The following PRKCH variants were observed in gnomAD, a reference collection of about 807,000 sequenced individuals.
The protein encoded by PRKCH is protein kinase C eta.
PRKCH carries 28 observed loss-of-function variants against 82.5 expected under a neutral mutation model. The ratio of observed to expected loss-of-function variants is 0.34; its 90% confidence interval spans 0.25 to 0.47. The LOEUF (loss-of-function observed/expected upper bound fraction) is 0.47, where lower values mean the gene tolerates loss of function less well. Ranked by LOEUF, PRKCH falls within the 20% of genes least tolerant of loss-of-function variation. The pLI is 1.00. For missense variants in PRKCH, 705 were observed against 881.8 expected (o/e 0.80, Z 2.54); for synonymous variants, 322 against 327.4 (o/e 0.98, Z 0.18).
intron 7 of PRKCH, 34 bp from the exon 8 acceptor site, chr14:61,457,142 C>T: frequency 1.2e-6 from 2 of 1,607,384 alleles, no homozygotes; most frequent in Non-Finnish European, 1.7e-6. Flanking sequence ...GCTTCTGCTG[C>T]AATTTCTGAC....
At chr14:61,225,466 T>C (rs534124889) in intron 1 of PRKCH, among the ~76,000 whole-genome samples, 1 of 152,258 alleles carries the variant, frequency 6.6e-6, no homozygotes, top group South Asian at 2.1e-4. Flanking sequence ...CAGCTCCCGA[T>C]GGTAAAGGCG....
intron 2 of PRKCH, among the ~76,000 whole-genome samples, chr14:61,401,580 G>A (rs910600517): frequency 4.6e-5 from 7 of 152,136 alleles, no homozygotes; most frequent in Admixed American, 4.6e-4. Context: ...GAAATGGTGG[G>A]TAAAAGCATG....
At chr14:61,331,497 G>T (rs2045787762) in intron 1 of PRKCH, among the ~76,000 whole-genome samples, 1 of 152,034 alleles carries the variant, frequency 6.6e-6, no homozygotes, top group African/African-American at 2.4e-5. Context: ...CCTCAGCCTG[G>T]GCAACAGAGT....
intron 1 of PRKCH, among the ~76,000 whole-genome samples, chr14:61,228,301 G>A (rs2044713625): frequency 6.6e-6 from 1 of 152,156 alleles, no homozygotes; most frequent in Admixed American, 6.6e-5. Flanking sequence ...AGAGAGAAAA[G>A]CAATTTTTAA....
At chr14:61,285,172 A>G (rs1483786306) in intron 1 of PRKCH, among the ~76,000 whole-genome samples, 1 of 152,180 alleles carries the variant, frequency 6.6e-6, no homozygotes, top group Non-Finnish European at 1.5e-5. Context: ...AAAGTAGGAA[A>G]GGGACTTAAA....
At chr14:61,490,517 C>G (rs1318925465) in intron 10 of PRKCH, among the ~76,000 whole-genome samples, 2 of 152,212 alleles carry the variant, frequency 1.3e-5, no homozygotes, top group African/African-American at 4.8e-5. Context: ...GCCTCGCTGA[C>G]TCCAGATAAC....
At chr14:61,353,851 T>G (rs2046112965) in intron 1 of PRKCH, 1 of 152,124 alleles carries the variant, frequency 6.6e-6, no homozygotes, top group Non-Finnish European at 1.5e-5. Flanking sequence ...ACAGGAGGAC[T>G]GCTTGAGCCC....
rs1472381104 is a variant in PRKCH, at chr14:61,450,693, GTAAT to G, written c.703-144_703-141del. 1.1e-5 allele frequency: 9 copies of G among 838,172 alleles called. No homozygotes were observed. The East Asian group carries it at 2.4e-4, about 22-fold the overall frequency. The allele number at this position is 838,172 out of a possible 1,614,324, so 51.9% of individuals were successfully genotyped here. On this transcript the variant is annotated intron_variant, in intron 5 of 13. Coordinates refer to ENST00000332981, the MANE Select transcript of PRKCH (RefSeq NM_006255.5). ...GTTTAGTCTGGTTCGTAAGACCTGA[GTAAT>G]TAATCAGGGCTGAGTACAGTAAAAT... is the stretch of plus-strand genomic sequence containing the variant.
At chr14:61,372,901 C>T (rs2046381216) in intron 1 of PRKCH, among the ~76,000 whole-genome samples, 1 of 151,990 alleles carries the variant, frequency 6.6e-6, no homozygotes. Context: ...AATTTCACTG[C>T]CCTAAAAAAA....
intron 1 of PRKCH, among the ~76,000 whole-genome samples, chr14:61,277,055 G>A (rs1268237622): frequency 6.6e-6 from 1 of 151,998 alleles, no homozygotes; most frequent in Non-Finnish European, 1.5e-5. Context: ...GCGTGGTGGT[G>A]TGCACCTGTA....
intron 10 of PRKCH, among the ~76,000 whole-genome samples, chr14:61,509,986 A>T (rs1887306576): frequency 2.0e-5 from 3 of 152,142 alleles, no homozygotes; most frequent in Admixed American, 6.5e-5. Flanking sequence ...TGAGGAGATG[A>T]CACTTGATTC....
chr14:61,483,566 T>A lies in PRKCH; in HGVS notation c.1279-1936T>A, dbSNP rs539951784. Among the ~76,000 whole-genome samples the A allele has an allele frequency of 2.6e-4, 40 of 152,272 alleles. 2 individuals carry two copies. The South Asian group carries it at 8.1e-3, about 31-fold the overall frequency. The stretch of plus-strand genomic sequence containing the variant: ...TCAGGGGATTTTTTTTTCTTCTAAT[T>A]AAGGCGTTAGTTAAAATAGGGCATA... On this transcript the variant is annotated intron_variant, in intron 9 of 13. Coordinates refer to ENST00000332981, the MANE Select transcript of PRKCH (RefSeq NM_006255.5).
chr14:61,317,266 C>G (rs894347569), upstream of PRKCH, among the ~76,000 whole-genome samples: 1 of 152,240 alleles, frequency 6.6e-6, no homozygotes, highest in South Asian at 2.1e-4. Flanking sequence ...CCTCAGCTCT[C>G]ACTCTCCTTC....
At chr14:61,346,706 C>A (rs2045997057) in intron 1 of PRKCH, among the ~76,000 whole-genome samples, 1 of 152,082 alleles carries the variant, frequency 6.6e-6, no homozygotes, top group Non-Finnish European at 1.5e-5. Context: ...GGTGTTAATG[C>A]AGAATTCTGT....
intron 1 of PRKCH, among the ~76,000 whole-genome samples, chr14:61,215,259 T>C (rs534765593): frequency 9.2e-5 from 14 of 152,304 alleles, no homozygotes; most frequent in African/African-American, 3.4e-4. Context: ...GAGAGTACTC[T>C]TCATCATGTA....
At chr14:61,413,332 G>A (rs1882366710) in intron 2 of PRKCH, among the ~76,000 whole-genome samples, 1 of 150,978 alleles carries the variant, frequency 6.6e-6, no homozygotes, top group African/African-American at 2.4e-5. Flanking sequence ...CTGAGTGGTG[G>A]TCCCCAGCAC....
chr14:61,541,407 C>T (rs1292905048), intron 12 of PRKCH, among the ~76,000 whole-genome samples: 2 of 152,214 alleles, frequency 1.3e-5, no homozygotes. Context: ...CCCTTTCTCC[C>T]CAGGACCCTC....
At chr14:61,299,634 T>A (rs550214189) in intron 1 of PRKCH, 1 of 152,202 alleles carries the variant, frequency 6.6e-6, no homozygotes, top group South Asian at 2.1e-4. Flanking sequence ...CATACCTGAT[T>A]AGCTATCTAC....
intron 1 of PRKCH, among the ~76,000 whole-genome samples, chr14:61,351,712 G>T (rs1221637703): frequency 1.3e-5 from 2 of 152,048 alleles, no homozygotes; most frequent in African/African-American, 4.8e-5. Flanking sequence ...AGCTCTTTGG[G>T]ACCCAAAAAG....
Sources: gnomAD v4.1 joint callset for allele counts (sites outside exome capture counted in the v4.1 genomes callset) on GRCh38, gnomAD v4.1.1 for gene constraint, MANE v1.5 for transcripts, NCBI Gene and HGNC (gene_info 2026-07-23, HGNC 2026-07-21) for gene names.